UNC13B: variants seen among roughly 807,000 people sequenced by gnomAD.
UNC13B encodes the protein unc-13 homolog B.
A neutral mutation model predicts 211.0 loss-of-function variants in UNC13B; 144 were observed. That is an observed-to-expected ratio of 0.68 (90% CI 0.60 to 0.78). The LOEUF (loss-of-function observed/expected upper bound fraction) is 0.78, where lower values mean the gene tolerates loss of function less well. Among genes scored for constraint, UNC13B ranks in the 30% least tolerant of loss-of-function variants. The probability of loss-of-function intolerance (pLI) is 0.00; values close to 1 mark genes in which losing one functional copy is unlikely to be tolerated. For missense variants in UNC13B, 1,777 were observed against 2,002.0 expected (o/e 0.89, Z 2.14); for synonymous variants, 709 against 725.8 (o/e 0.98, Z 0.37).
rs543320378 is a variant in UNC13B at position 35,212,705 on chromosome 9, C to T, written c.23-15310C>T. ...ATACTGACCAAATATAACAAATATC[C>T]CATTAAGGATATAATTTAGCTCCCA... On this transcript the variant is annotated intron_variant, in intron 1 of 39. Transcript: ENST00000635942. Among the ~76,000 whole-genome samples the T allele has an allele frequency of 2.0e-5, 3 of 152,242 alleles. No individual in the cohort carries two copies. The East Asian group carries it at 5.8e-4, about 29-fold the overall frequency.
chr9:35,342,311 T>A (rs1037994393), intron 11 of UNC13B: 32 of 985,676 alleles, frequency 3.2e-5, no homozygotes, highest in Middle Eastern at 5.2e-4. Flanking sequence ...TTTTTTTTAA[T>A]TTCCTTAACC....
At chr9:35,366,569 A>G (rs1833784253) in intron 11 of UNC13B, among the ~76,000 whole-genome samples, 2 of 152,202 alleles carry the variant, frequency 1.3e-5, no homozygotes, top group African/African-American at 4.8e-5. Flanking sequence ...ACTGGACTCT[A>G]TATGAAGGTG....
chr9:35,192,478 CTGAGT>C (rs2131345373), intron 1 of UNC13B, among the ~76,000 whole-genome samples: 1 of 152,314 alleles, frequency 6.6e-6, no homozygotes, highest in East Asian at 1.9e-4. Context: ...GGTTAAACAC[CTGAGT>C]TAAATTTCAG....
chr9:35,377,371 A>G (rs1274858396), intron 15 of UNC13B, 97 bp from the exon 16 acceptor site: 3 of 1,272,570 alleles, frequency 2.4e-6, no homozygotes, highest in Non-Finnish European at 3.3e-6. Flanking sequence ...GGCTGGCTGC[A>G]TAGTTTCTCC....
chr9:35,308,956 A>G lies in UNC13B; in HGVS notation c.9008+544A>G, dbSNP rs1830053692. The stretch of plus-strand genomic sequence containing the variant: ...GGGATAGTCTGTATTCCCATATCCT[A>G]TTCCATACAGATTTGCATAGTTTCT... On this transcript the variant is annotated intron_variant, in intron 9 of 39. Transcript: ENST00000635942. 2.0e-5 allele frequency among the ~76,000 whole-genome samples: 3 copies of G among 152,194 alleles called. No homozygotes were observed. In the South Asian group the frequency reaches 6.2e-4, roughly 32 times the overall value.
In UNC13B at chr9:35,387,856, G is replaced by T. The variant is rs373083482; in HGVS notation, c.11094+1563G>T. On this transcript the variant is annotated intron_variant, in intron 24 of 39. Coordinates refer to ENST00000635942, the MANE Select transcript of UNC13B (RefSeq NM_001371189.2). Reference sequence around the variant, plus strand: ...AAATTACTACATTTATTGTTTTTTTGTTGTTGTTATTTTGTTGTTACTATG... The same window carrying T: ...AAATTACTACATTTATTGTTTTTTTTTTGTTGTTATTTTGTTGTTACTATG... Among the ~76,000 whole-genome samples the T allele has an allele frequency of 7.2e-4, 109 of 152,102 alleles. 1 individual carries two copies. The South Asian group carries it at 0.016, about 22-fold the overall frequency.
At chr9:35,385,597 T>C (rs1835135931) in intron 22 of UNC13B, 127 bp from the exon 23 acceptor site, 1 of 1,425,358 alleles carries the variant, frequency 7.0e-7, no homozygotes, top group Admixed American at 2.9e-5. Context: ...TACAGTGTTT[T>C]TGGCCAGCTC....
chr9:35,295,857 G>C lies in UNC13B; in HGVS notation c.688G>C (p.Gly230Arg), dbSNP rs771895950. 1.9e-5 allele frequency: 31 copies of C among 1,614,028 alleles called. No homozygotes were observed. The African/African-American group carries it at 3.6e-4, about 19-fold the overall frequency. ...VRSPQQLLLQ[G>R]SSRDSCNDSM... is the part of the protein sequence containing the mutation. ...ATCGCCACAGCAGCTGCTACTTCAA[G>C]GCAGTTCCCGGGACTCTTGTAATGA... Residue 230 changes from glycine (G) to arginine (R), a missense_variant, in exon 8 of 40, where the codon GGC becomes CGC. By Grantham distance (125) the Gly-to-Arg change is moderately radical (BLOSUM62 -2). Transcript: ENST00000635942.
At chr9:35,168,216 C>G (rs1448517975) in intron 1 of UNC13B, among the ~76,000 whole-genome samples, 1 of 152,140 alleles carries the variant, frequency 6.6e-6, no homozygotes, top group Non-Finnish European at 1.5e-5. Context: ...CTGCACCTGA[C>G]CAGTTTTTTT....
chr9:35,312,296 G>A (rs529604049), intron 10 of UNC13B, among the ~76,000 whole-genome samples: 6 of 152,298 alleles, frequency 3.9e-5, no homozygotes, highest in African/African-American at 1.2e-4. Context: ...TAGATGAGTC[G>A]CAAACCTTTC....
intron 1 of UNC13B, among the ~76,000 whole-genome samples, chr9:35,225,856 A>T (rs1483399551): frequency 6.6e-6 from 1 of 152,010 alleles, no homozygotes; most frequent in Non-Finnish European, 1.5e-5. Context: ...TGGCTGACCA[A>T]GTGGGTGGGT....
chr9:35,284,746 G>A (rs1478306188), intron 7 of UNC13B, among the ~76,000 whole-genome samples: 9 of 152,194 alleles, frequency 5.9e-5, no homozygotes, highest in Admixed American at 5.9e-4. Flanking sequence ...AATTTCTAGT[G>A]TTTGAGTTTA....
intron 1 of UNC13B, among the ~76,000 whole-genome samples, chr9:35,198,990 C>A (rs2131368509): frequency 6.6e-6 from 1 of 152,224 alleles, no homozygotes; most frequent in South Asian, 2.1e-4. Context: ...ACGTATAACT[C>A]CTAATGCTAT....
At chr9:35,197,176 A>G (rs547512424) in intron 1 of UNC13B, among the ~76,000 whole-genome samples, 13 of 152,270 alleles carry the variant, frequency 8.5e-5, no homozygotes, top group African/African-American at 3.1e-4. Flanking sequence ...ATTGAGCAAT[A>G]TAGTGCTTTC....
chr9:35,348,154 C>T (rs190089453), intron 11 of UNC13B, among the ~76,000 whole-genome samples: 2 of 152,292 alleles, frequency 1.3e-5, no homozygotes, highest in African/African-American at 4.8e-5. Flanking sequence ...AGCAGATAGG[C>T]CCCAGGTTAG....
chr9:35,189,976 G>A (rs987830042), intron 1 of UNC13B, among the ~76,000 whole-genome samples: 1 of 152,166 alleles, frequency 6.6e-6, no homozygotes, highest in African/African-American at 2.4e-5. Context: ...CGACCTGCCA[G>A]TTTCTTAATT....
At chr9:35,245,772 C>G (rs1826059752) in intron 6 of UNC13B, among the ~76,000 whole-genome samples, 1 of 151,974 alleles carries the variant, frequency 6.6e-6, no homozygotes, top group African/African-American at 2.4e-5. Context: ...TGGGTTGGTT[C>G]CAGGTCTTTG....
Position 35,295,680 on chromosome 9 carries a change from T to G in UNC13B, c.527-16T>G. On this transcript the variant is annotated splice_polypyrimidine_tract_variant and intron_variant, in intron 7 of 39. Transcript: ENST00000635942. ...ATAAAGCTGGGGTGCTTTGATTGAATGTGCTTATTCCATAGCTTTTGAAGA... is the reference window on the plus strand; with the variant it reads ...ATAAAGCTGGGGTGCTTTGATTGAAGGTGCTTATTCCATAGCTTTTGAAGA... 1 of 1,611,254 alleles carries G rather than the reference T, an allele frequency of 6.2e-7. No individual in the cohort carries two copies. Among genetic ancestry groups the G allele is most frequent in the Non-Finnish European group, 8.5e-7 (1 of 1,177,448 alleles).
At chr9:35,228,643 A>T (rs942136026) in intron 2 of UNC13B, among the ~76,000 whole-genome samples, 3 of 151,806 alleles carry the variant, frequency 2.0e-5, no homozygotes, top group Non-Finnish European at 4.4e-5. Flanking sequence ...AAAATATTCA[A>T]ATAGACCATG....
Sources: allele counts gnomAD v4.1 joint callset (sites outside exome capture counted in the v4.1 genomes callset), GRCh38; gene constraint gnomAD v4.1.1; transcripts MANE v1.5; gene names NCBI Gene and HGNC (gene_info 2026-07-23, HGNC 2026-07-21).